Variants in DISP1 observed in about 807,000 individuals in gnomAD.
The protein encoded by DISP1 is dispatched RND transporter family member 1, also known as protein dispatched homolog 1.
Under a neutral mutation model 37.3 loss-of-function variants are expected in DISP1, and 30 were observed. The ratio of observed to expected loss-of-function variants is 0.80; its 90% CI spans 0.60 to 1.09. DISP1 has a LOEUF of 1.09. Among genes scored for constraint, DISP1 ranks in the 50% least tolerant of loss-of-function variants. The pLI is 0.00. For missense variants in DISP1, 1,598 were observed against 1,879.5 expected (o/e 0.85, Z 2.77); for synonymous variants, 634 against 690.2 (o/e 0.92, Z 1.28).
chr1:223,004,457 A>C lies in DISP1; in HGVS notation c.3060A>C (p.Ile1020=). ...CCATCATTTCAATTGCTGGAACGAT[A>C]TTTGTCACTGTTGGTTCTCTTGTCC... is the stretch of plus-strand genomic sequence containing the variant. ...LYAIISIAGT[I]FVTVGSLVLL... The change falls in exon 9 of 9, where the codon ATA becomes ATC. Residue 1020 remains isoleucine, a synonymous_variant. Coordinates refer to ENST00000675850, the MANE Select transcript of DISP1 (RefSeq NM_001377229.1). The surrounding 1 kb of genome is among the most constrained non-coding windows in gnomAD (Gnocchi z 4.9). The C allele has an allele frequency of 1.2e-6, 2 of 1,614,086 alleles. No homozygotes were observed. The highest frequency in any genetic ancestry group is 1.7e-6 in the Non-Finnish European group (2 of 1,180,018).
chr1:223,005,929 A>G lies in DISP1; in HGVS notation c.4532A>G (p.His1511Arg), dbSNP rs761698778. 6.2e-7 allele frequency: 1 copy of G among 1,614,038 alleles called. No individual in the cohort carries two copies. Among genetic ancestry groups the G allele is most frequent in the Admixed American group, 1.7e-5 (1 of 60,018 alleles). ...MEANVPAVLT[H>R]SELSGESLLI... The stretch of plus-strand genomic sequence containing the variant: ...GCCAATGTGCCTGCTGTATTAACAC[A>G]CTCGGAACTTTCTGGTGAAAGTTTG... The change falls in exon 9 of 9, where the codon CAC (histidine) becomes CGC (arginine). Residue 1511 changes from histidine to arginine, a missense_variant. By Grantham distance (29) the His-to-Arg change is conservative. Coordinates refer to ENST00000675850, the MANE Select transcript of DISP1 (RefSeq NM_001377229.1).
chr1:222,869,955 A>G (rs1373097177), intron 1 of DISP1, among the ~76,000 whole-genome samples: 2 of 151,752 alleles, frequency 1.3e-5, no homozygotes, highest in Admixed American at 6.6e-5. Context: ...CCACCCCACA[A>G]CAGTCCCCAG....
At chr1:222,966,624 G>T (rs916865285) in intron 3 of DISP1, among the ~76,000 whole-genome samples, 2 of 152,154 alleles carry the variant, frequency 1.3e-5, no homozygotes, top group African/African-American at 4.8e-5. Flanking sequence ...AATCTGTGGT[G>T]ATAGAAGCCT....
intron 8 of DISP1, among the ~76,000 whole-genome samples, chr1:222,997,515 ATAGG>A (rs1485964904): frequency 2.6e-5 from 4 of 152,320 alleles, no homozygotes; most frequent in Admixed American, 6.5e-5. Flanking sequence ...TTTGCAAAAC[ATAGG>A]TAGGCTGGTA....
chr1:222,909,876 C>A (rs967203954), intron 1 of DISP1, among the ~76,000 whole-genome samples: 2 of 152,144 alleles, frequency 1.3e-5, no homozygotes, highest in African/African-American at 4.8e-5. Context: ...CAGGAGAATC[C>A]TTCCCCCTGC....
In DISP1 at chr1:223,005,225, C is replaced by G. The variant is rs1163373062; in HGVS notation, c.3828C>G (p.Ala1276=). Residue 1276 remains alanine (A), a synonymous_variant, in exon 9 of 9, where the codon GCC becomes GCG. Coordinates refer to ENST00000675850, the MANE Select transcript of DISP1 (RefSeq NM_001377229.1). ...ATCAGAGATGTAGCTGCCCAGATGC[C>G]TACAAACACTTGAACTATGGCCCAC... ...SLNQRCSCPD[A]YKHLNYGPHS... The G allele has an allele frequency of 6.2e-7, 1 of 1,614,134 alleles. No homozygotes were observed. The highest frequency in any genetic ancestry group is 8.5e-7 in the Non-Finnish European group (1 of 1,180,010).
chr1:222,882,532 A>T (rs1670339519), intron 1 of DISP1, among the ~76,000 whole-genome samples: 1 of 152,200 alleles, frequency 6.6e-6, no homozygotes, highest in Admixed American at 6.5e-5. Context: ...TTGTCTAGAA[A>T]TATTACAAAT....
chr1:222,943,889 G>T (rs1290756573), intron 3 of DISP1, among the ~76,000 whole-genome samples: 1 of 152,062 alleles, frequency 6.6e-6, no homozygotes, highest in Non-Finnish European at 1.5e-5. Flanking sequence ...AATTAGCTGG[G>T]CGTGGTGGTG....
At chr1:222,946,100 G>A (rs941552444) in intron 3 of DISP1, among the ~76,000 whole-genome samples, 1 of 151,424 alleles carries the variant, frequency 6.6e-6, no homozygotes, top group Admixed American at 6.6e-5. Context: ...TTGGCCGGGC[G>A]TGGTGGCTCA....
chr1:222,854,593 T>G (rs1668451008), intron 1 of DISP1, among the ~76,000 whole-genome samples: 1 of 152,080 alleles, frequency 6.6e-6, no homozygotes, highest in Non-Finnish European at 1.5e-5. Context: ...GTCACTGTTT[T>G]GGAGATAGTT....
Position 222,977,082 on chromosome 1 carries a change from T to G in DISP1, c.510-5998T>G, listed in dbSNP as rs1677390723. On this transcript the variant is annotated intron_variant, in intron 3 of 8. Coordinates refer to ENST00000675850, the MANE Select transcript of DISP1 (RefSeq NM_001377229.1). ...TTCGCTCTTATTGCCCAGGCTGGAG[T>G]ACAATGGCGCGATCTCGGTTCACCG... 7.2e-5 allele frequency among the ~76,000 whole-genome samples: 11 copies of G among 152,242 alleles called. No homozygotes were observed. In the South Asian group the frequency reaches 2.3e-3, roughly 32 times the overall value.
intron 1 of DISP1, among the ~76,000 whole-genome samples, chr1:222,925,226 A>T (rs1387760423): frequency 3.3e-5 from 5 of 152,132 alleles, no homozygotes; most frequent in African/African-American, 1.2e-4. Flanking sequence ...ATAAAAATAT[A>T]AATAAGAATT....
intron 1 of DISP1, among the ~76,000 whole-genome samples, chr1:222,912,711 A>G (rs1439406084): frequency 6.6e-6 from 1 of 152,222 alleles, no homozygotes; most frequent in African/African-American, 2.4e-5. Flanking sequence ...TGGATTAATC[A>G]AAGTGTTTCT....
At chr1:222,912,811 T>C (rs1672281722) in intron 1 of DISP1, among the ~76,000 whole-genome samples, 1 of 152,232 alleles carries the variant, frequency 6.6e-6, no homozygotes, top group African/African-American at 2.4e-5. Context: ...AAACTTTTGT[T>C]GAACTTATTT....
At chr1:222,824,201 G>A (rs553584134) in intron 1 of DISP1, among the ~76,000 whole-genome samples, 43 of 152,156 alleles carry the variant, frequency 2.8e-4, no homozygotes, top group African/African-American at 1.0e-3. Context: ...CCACCAAAGA[G>A]GAAAAGTTAC....
chr1:222,985,986 G>C (rs149107420), intron 4 of DISP1, among the ~76,000 whole-genome samples: 1 of 152,082 alleles, frequency 6.6e-6, no homozygotes, highest in East Asian at 1.9e-4. Context: ...AGGGACAAGA[G>C]GAATAAGAAA....
chr1:223,004,986 C>T lies in DISP1; in HGVS notation c.3589C>T (p.Leu1197=). 6.2e-7 allele frequency: 1 copy of T among 1,614,130 alleles called. No homozygotes were observed. The highest frequency in any genetic ancestry group is 8.5e-7 in the Non-Finnish European group (1 of 1,180,036). Residue 1197 remains leucine (L), a synonymous_variant, in exon 9 of 9, where the codon CTG becomes TTG. Transcript: ENST00000675850. This position sits in a 1 kb window ranked among gnomAD's most constrained non-coding sequence, Gnocchi z 4.9. ...GCATGAGTTTTATGAATTAGAACCTCTGGCTTCCCACAGCTGCACTGCCCC... is the reference window on the plus strand; with the variant it reads ...GCATGAGTTTTATGAATTAGAACCTTTGGCTTCCCACAGCTGCACTGCCCC... The part of the protein sequence containing the change: ...LEHEFYELEP[L]ASHSCTAPEK...
At chr1:222,906,424 A>T (rs76783484) in intron 1 of DISP1, among the ~76,000 whole-genome samples, 5 of 152,206 alleles carry the variant, frequency 3.3e-5, no homozygotes, top group Non-Finnish European at 7.3e-5. Flanking sequence ...GGTAAAAAAA[A>T]CGCTGCCATC....
chr1:222,903,239 A>G (rs1671705897), intron 1 of DISP1, among the ~76,000 whole-genome samples: 1 of 144,200 alleles, frequency 6.9e-6, no homozygotes, highest in Non-Finnish European at 1.5e-5. Context: ...ATAGGTGGGA[A>G]TTGAACAACG....
Sources: gnomAD v4.1 joint callset for allele counts (sites outside exome capture counted in the v4.1 genomes callset) on GRCh38, gnomAD v4.1.1 for gene constraint, Gnocchi (gnomAD v3.1) non-coding constraint, MANE v1.5 for transcripts, NCBI Gene and HGNC (gene_info 2026-07-23, HGNC 2026-07-21) for gene names.